The following APBB2 variants were observed in gnomAD, a reference collection of about 807,000 sequenced individuals.
The protein encoded by APBB2 is amyloid beta precursor protein binding family B member 2, also known as Fe65-like 1.
APBB2 carries 38 observed loss-of-function variants against 82.5 expected under a neutral mutation model. That is an observed-to-expected ratio of 0.46 (90% confidence interval 0.36 to 0.60). APBB2 has a LOEUF of 0.60. Among genes scored for constraint, APBB2 ranks in the 20% least tolerant of loss-of-function variants. The pLI, the probability that APBB2 is intolerant of heterozygous loss-of-function variation, is 0.00. For missense variants in APBB2, 772 were observed against 972.3 expected (o/e 0.79, Z 2.74); for synonymous variants, 341 against 368.2 (o/e 0.93, Z 0.85).
chr4:40,954,020 G>C (rs1790925885), intron 6 of APBB2, among the ~76,000 whole-genome samples: 1 of 152,190 alleles, frequency 6.6e-6, no homozygotes, highest in Non-Finnish European at 1.5e-5. Flanking sequence ...TCTGTGAGCA[G>C]CAAGGACCGG....
chr4:40,990,395 T>TG (rs1490980801), intron 6 of APBB2: 1 of 152,152 alleles, frequency 6.6e-6, no homozygotes. Flanking sequence ...GTGTCTACCG[T>TG]GAAAAAAAGT....
chr4:40,943,290 C>T (rs1335516004), intron 7 of APBB2, among the ~76,000 whole-genome samples: 1 of 152,172 alleles, frequency 6.6e-6, no homozygotes, highest in Admixed American at 6.5e-5. Flanking sequence ...CTGGTGTTCT[C>T]TGGCTATAGG....
chr4:40,870,994 G>T (rs540329556), intron 12 of APBB2, among the ~76,000 whole-genome samples: 2 of 105,452 alleles, frequency 1.9e-5, no homozygotes, highest in African/African-American at 7.5e-5. Flanking sequence ...AGCCACCACC[G>T]CGCCCAGCCA....
Position 40,930,448 on chromosome 4 carries a change from TGCGCGCGCGC to T in APBB2, c.1254+3998_1254+4007del, listed in dbSNP as rs1174752964. 3.8e-3 allele frequency among the ~76,000 whole-genome samples: 253 copies of T among 66,552 alleles called. 1 individual carries two copies. Among genetic ancestry groups the T allele is most frequent in the Non-Finnish European group, 5.2e-3 (174 of 33,556 alleles). The allele number at this position is 66,552 out of a possible 152,430, so 43.7% of individuals were successfully genotyped here. A position where few individuals can be genotyped will look rare whatever the true frequency, so the allele number is the denominator to read the frequency against. ...GTGTGTGTGTGTGTGTGTGTGTGTG[TGCGCGCGCGC>T]GCGCGCGCGTGCGCGTGCGCGTATG... is the stretch of plus-strand genomic sequence containing the variant. On this transcript the variant is annotated intron_variant, in intron 10 of 17. Coordinates refer to ENST00000508593, the MANE Select transcript of APBB2 (RefSeq NM_004307.2).
In APBB2 at chr4:40,999,526, T is replaced by C. The variant is rs76134669; in HGVS notation, c.835+14057A>G. Among the ~76,000 whole-genome samples the C allele has an allele frequency of 6.9e-3, 1,050 of 152,342 alleles. 7 individuals carry two copies. The highest frequency in any genetic ancestry group is 0.011 in the Non-Finnish European group (780 of 68,032). On this transcript the variant is annotated intron_variant, in intron 6 of 17. Transcript: ENST00000508593. ...CTAAGGATATGGCAGGGAACAAAGA[T>C]TGGATTCCTTCTTTCTGCAGCTTAC...
intron 4 of APBB2, among the ~76,000 whole-genome samples, chr4:41,061,700 G>C (rs1560646512): frequency 6.6e-6 from 1 of 152,216 alleles, no homozygotes; most frequent in Non-Finnish European, 1.5e-5. Flanking sequence ...AGCCTGGCAA[G>C]AACAGCTCTA....
rs1792536561 is a variant in APBB2 at position 40,959,554 on chromosome 4, C to T, written c.836-14481G>A. Among the ~76,000 whole-genome samples, 3 of 152,222 alleles carry T rather than the reference C, an allele frequency of 2.0e-5. No homozygotes were observed. The South Asian group carries it at 6.2e-4, about 32-fold the overall frequency. On this transcript the variant is annotated intron_variant, in intron 6 of 17. Coordinates refer to ENST00000508593, the MANE Select transcript of APBB2 (RefSeq NM_004307.2). ...GGTGGCATGCCAGGACTTGATTTCC[C>T]ACTTAAGTTAGATACTTCAACAAAA...
chr4:41,066,737 T>A (rs1732001402), intron 3 of APBB2, among the ~76,000 whole-genome samples: 1 of 152,196 alleles, frequency 6.6e-6, no homozygotes, highest in Admixed American at 6.5e-5. Flanking sequence ...GAGTGAGGCC[T>A]GCAGAGTGAG....
At chr4:41,088,967 T>C (rs1408018487) in intron 3 of APBB2, among the ~76,000 whole-genome samples, 2 of 152,050 alleles carry the variant, frequency 1.3e-5, no homozygotes, top group Non-Finnish European at 1.5e-5. Context: ...CATATGAAAA[T>C]GGTTTCTCTT....
intron 1 of APBB2, among the ~76,000 whole-genome samples, chr4:41,195,860 G>T: frequency 6.6e-6 from 1 of 151,982 alleles, no homozygotes; most frequent in Non-Finnish European, 1.5e-5. Context: ...TCCTCTCCTC[G>T]ATTTAAAAAT....
At chr4:41,049,259 G>A (rs1391023347) in intron 4 of APBB2, among the ~76,000 whole-genome samples, 1 of 149,632 alleles carries the variant, frequency 6.7e-6, no homozygotes, top group Non-Finnish European at 1.5e-5. Context: ...GAGGTGAGGA[G>A]CGTCTCTGCC....
Position 40,821,852 on chromosome 4 carries a change from C to T in APBB2, c.2112+19G>A. The T allele has an allele frequency of 6.2e-7, 1 of 1,610,436 alleles. No homozygotes were observed. The highest frequency in any genetic ancestry group is 1.1e-5 in the South Asian group (1 of 90,888). On this transcript the variant is annotated intron_variant, in intron 17 of 17. Transcript: ENST00000508593. ...AGCAGAGGCGGGAGGGCTCAACAGC[C>T]TGTACCGGGATAACTCACCATGCAG...
rs551347456 is a variant in APBB2, at chr4:41,063,122, A to G, written c.-51+2454T>C. On this transcript the variant is annotated intron_variant, in intron 4 of 17. Transcript: ENST00000508593. Reference sequence around the variant, plus strand: ...GAACCATATGAAATTAACCTTCTGTATGTCAAAAATGCTCAAGTACTAACA... The same window carrying G: ...GAACCATATGAAATTAACCTTCTGTGTGTCAAAAATGCTCAAGTACTAACA... Among the ~76,000 whole-genome samples, 5 of 152,354 alleles carry G rather than the reference A, an allele frequency of 3.3e-5. 1 individual carries two copies. In the East Asian group the frequency reaches 9.6e-4, roughly 29 times the overall value.
intron 1 of APBB2, among the ~76,000 whole-genome samples, chr4:41,171,560 G>A (rs966749790): frequency 1.3e-5 from 2 of 152,210 alleles, no homozygotes; most frequent in African/African-American, 2.4e-5. Context: ...GTGACTGTTC[G>A]AGCTGAGTAA....
intron 2 of APBB2, among the ~76,000 whole-genome samples, chr4:41,102,608 C>A (rs891329647): frequency 1.3e-5 from 2 of 152,322 alleles, no homozygotes; most frequent in South Asian, 4.1e-4. Flanking sequence ...TGAACACAGT[C>A]CATGCCTCAA....
intron 3 of APBB2, among the ~76,000 whole-genome samples, chr4:41,080,305 C>T (rs1737130761): frequency 6.6e-6 from 1 of 152,202 alleles, no homozygotes; most frequent in South Asian, 2.1e-4. Flanking sequence ...ACAAATTTTG[C>T]AGACAAAGCT....
intron 12 of APBB2, among the ~76,000 whole-genome samples, chr4:40,876,805 T>TATA (rs1767037302): frequency 6.6e-6 from 1 of 152,234 alleles, no homozygotes; most frequent in Non-Finnish European, 1.5e-5. Flanking sequence ...AATCTGCAGA[T>TATA]ATAGAGGGCC....
chr4:41,035,375 T>C (rs1718733331), intron 4 of APBB2, among the ~76,000 whole-genome samples: 2 of 152,198 alleles, frequency 1.3e-5, no homozygotes, highest in Admixed American at 6.5e-5. Context: ...TACTCTGGTA[T>C]AATTAAAAGG....
intron 1 of APBB2, among the ~76,000 whole-genome samples, chr4:41,210,927 T>A (rs1391817443): frequency 6.6e-6 from 1 of 152,160 alleles, no homozygotes; most frequent in Non-Finnish European, 1.5e-5. Flanking sequence ...AGATGATATA[T>A]ACAAAACCTT....
Sources: gnomAD v4.1 joint callset for allele counts (sites outside exome capture counted in the v4.1 genomes callset) on GRCh38, gnomAD v4.1.1 for gene constraint, MANE v1.5 for transcripts, NCBI Gene and HGNC (gene_info 2026-07-23, HGNC 2026-07-21) for gene names.